The following MSR1 variants were observed in gnomAD, a reference collection of about 807,000 sequenced individuals.
The protein encoded by MSR1 is macrophage scavenger receptor 1.
A neutral mutation model predicts 47.2 loss-of-function variants in MSR1; 53 were observed. The ratio of observed to expected loss-of-function variants is 1.12; its 90% confidence interval spans 0.90 to 1.41. The LOEUF is 1.41. MSR1 is among the 40% of genes most tolerant of loss of function. The probability of loss-of-function intolerance (pLI) is 0.00; values close to 1 mark genes in which losing one functional copy is unlikely to be tolerated. For missense variants in MSR1, 786 were observed against 546.9 expected (o/e 1.44, Z -4.36); for synonymous variants, 239 against 185.6 (o/e 1.29, Z -2.34).
At chr8:16,116,143 T>C (rs2117053185) in intron 9 of MSR1, among the ~76,000 whole-genome samples, 1 of 152,334 alleles carries the variant, frequency 6.6e-6, no homozygotes, top group East Asian at 1.9e-4. Context: ...CTGCTAGCAG[T>C]GATCTCCTTC....
intron 9 of MSR1, among the ~76,000 whole-genome samples, chr8:16,112,827 CCT>C (rs1332448718): frequency 6.6e-6 from 1 of 151,374 alleles, no homozygotes; most frequent in Non-Finnish European, 1.5e-5. Flanking sequence ...TAATCCTCTT[CCT>C]CTCTTTCTCT....
chr8:16,188,877 A>G (rs894432885), intron 1 of MSR1, among the ~76,000 whole-genome samples: 1 of 151,132 alleles, frequency 6.6e-6, no homozygotes, highest in Admixed American at 6.6e-5. Flanking sequence ...TCCATGGTGT[A>G]TATATGCCAC....
chr8:16,142,737 AC>A (rs950341350), intron 8 of MSR1, among the ~76,000 whole-genome samples: 11 of 152,084 alleles, frequency 7.2e-5, no homozygotes, highest in Non-Finnish European at 1.6e-4. Flanking sequence ...CCTAAAACAG[AC>A]CCCTGATGAT....
Position 16,159,600 on chromosome 8 carries a change from T to C in MSR1, c.818-4456A>G, listed in dbSNP as rs556135020. 2.6e-5 allele frequency among the ~76,000 whole-genome samples: 4 copies of C among 152,150 alleles called. No individual in the cohort carries two copies. The East Asian group carries it at 7.7e-4, about 29-fold the overall frequency. The stretch of plus-strand genomic sequence containing the variant: ...CTCATTAATTTCTAAAATATGGTTC[T>C]TAAGTTATAATTTAATTAATAGATA... On this transcript the variant is annotated intron_variant, in intron 5 of 9. Coordinates refer to ENST00000262101, the MANE Select transcript of MSR1 (RefSeq NM_138715.3).
chr8:16,140,233 A>G, intron 8 of MSR1: 1 of 984,896 alleles, frequency 1.0e-6, no homozygotes, highest in Non-Finnish European at 1.2e-6. Context: ...CTCTAGGTGA[A>G]TGCGTGTAGT....
chr8:16,190,049 G>T (rs183992727), intron 1 of MSR1, among the ~76,000 whole-genome samples: 1 of 151,472 alleles, frequency 6.6e-6, no homozygotes, highest in East Asian at 2.0e-4. Context: ...CGAGTAGCGG[G>T]ATTATAGGCG....
chr8:16,166,199 C>A (rs1247073793), intron 4 of MSR1, among the ~76,000 whole-genome samples: 1 of 132,742 alleles, frequency 7.5e-6, no homozygotes, highest in Non-Finnish European at 1.5e-5. Context: ...GAGACGGAGT[C>A]TCGCACTGTC....
intron 9 of MSR1, among the ~76,000 whole-genome samples, chr8:16,117,582 A>C (rs964249028): frequency 6.6e-6 from 1 of 152,150 alleles, no homozygotes; most frequent in African/African-American, 2.4e-5. Context: ...ATTTCCATAC[A>C]TTCTGGATTA....
At chr8:16,114,561 G>A (rs961501686) in intron 9 of MSR1, among the ~76,000 whole-genome samples, 5 of 151,982 alleles carry the variant, frequency 3.3e-5, no homozygotes, top group South Asian at 4.2e-4. Flanking sequence ...GCCTGGATAC[G>A]GGGCAAAAAG....
chr8:16,144,156 C>G (rs568310052), intron 7 of MSR1, among the ~76,000 whole-genome samples: 1 of 152,042 alleles, frequency 6.6e-6, no homozygotes, highest in Non-Finnish European at 1.5e-5. Context: ...AAACCTCACC[C>G]ATTTATACAG....
chr8:16,125,583 A>C (rs1476858109), intron 8 of MSR1, among the ~76,000 whole-genome samples: 1 of 152,126 alleles, frequency 6.6e-6, no homozygotes, highest in African/African-American at 2.4e-5. Flanking sequence ...GTTTCAGAGA[A>C]GTTTCAATCC....
In MSR1 at chr8:16,144,410, T is replaced by C. The variant is rs541324192; in HGVS notation, c.980-799A>G. Among the ~76,000 whole-genome samples, 8 of 152,228 alleles carry C rather than the reference T, an allele frequency of 5.3e-5. No individual in the cohort carries two copies. In the East Asian group the frequency reaches 1.4e-3, roughly 26 times the overall value. ...TCTTCAAGTAATTACTACCTTGACA[T>C]AAATCTAGAACTGATCCTAGTGCTC... On this transcript the variant is annotated intron_variant, in intron 7 of 9. Transcript: ENST00000262101.
At chr8:16,163,798 C>T (rs1252297556) in intron 5 of MSR1, among the ~76,000 whole-genome samples, 2 of 151,736 alleles carry the variant, frequency 1.3e-5, no homozygotes, top group African/African-American at 4.8e-5. Flanking sequence ...GTATTCAGTA[C>T]TTATGAGGTA....
At chr8:16,134,335 C>T (rs753483964) in intron 8 of MSR1, among the ~76,000 whole-genome samples, 2 of 152,060 alleles carry the variant, frequency 1.3e-5, no homozygotes, top group Non-Finnish European at 1.5e-5. Flanking sequence ...TTTTTGAAAT[C>T]CATGTATAGT....
At chr8:16,131,905 C>G (rs1563144141) in intron 8 of MSR1, among the ~76,000 whole-genome samples, 1 of 151,860 alleles carries the variant, frequency 6.6e-6, no homozygotes, top group Non-Finnish European at 1.5e-5. Flanking sequence ...AGTTTGAAGT[C>G]AGGTACCATG....
At chr8:16,183,453 A>G (rs1234395179) in intron 1 of MSR1, among the ~76,000 whole-genome samples, 1 of 150,116 alleles carries the variant, frequency 6.7e-6, no homozygotes. Flanking sequence ...TAAATAGAAT[A>G]TGCTGAATAT....
At chr8:16,176,848 C>A (rs1461074464) in intron 2 of MSR1, among the ~76,000 whole-genome samples, 1 of 152,146 alleles carries the variant, frequency 6.6e-6, no homozygotes, top group Non-Finnish European at 1.5e-5. Flanking sequence ...CCATCCTTTA[C>A]ACAGAGCACA....
At position 16,168,509 on chromosome 8, in the gene MSR1, G is replaced by A; in HGVS notation, c.579C>T (p.Asn193=). The A allele has an allele frequency of 1.2e-6, 2 of 1,614,112 alleles. No individual in the cohort carries two copies. The highest frequency in any genetic ancestry group is 1.6e-4 in the Middle Eastern group (1 of 6,062). The change falls in exon 4 of 10, where the codon AAC becomes AAT. Residue 193 remains asparagine, a synonymous_variant. Coordinates refer to ENST00000262101, the MANE Select transcript of MSR1 (RefSeq NM_138715.3). ...GGATTTTGCCATTCAGATTTTCTAT[G>A]TTGAGCTGCAAATCAAGCAATGTGG... The part of the protein sequence containing the change: ...LNTTLLDLQL[N]IENLNGKIQE...
chr8:16,137,096 G>GA (rs1240409536), intron 8 of MSR1, among the ~76,000 whole-genome samples: 1 of 151,998 alleles, frequency 6.6e-6, no homozygotes. Context: ...AAATAATAGT[G>GA]AAAAATGTTA....
Sources: allele counts gnomAD v4.1 joint callset (sites outside exome capture counted in the v4.1 genomes callset), GRCh38; gene constraint gnomAD v4.1.1; transcripts MANE v1.5; gene names NCBI Gene and HGNC (gene_info 2026-07-23, HGNC 2026-07-21).